CLVS1: variants seen among roughly 807,000 people sequenced by gnomAD.
CLVS1 encodes clavesin-1.
In CLVS1, 10 loss-of-function variants were observed where a neutral mutation model predicts 33.1. The observed-to-expected ratio is 0.30, with a 90% CI of 0.19 to 0.51. CLVS1 has a LOEUF of 0.51. Among genes scored for constraint, CLVS1 ranks in the 20% least tolerant of loss-of-function variants. The pLI, the probability that CLVS1 is intolerant of heterozygous loss-of-function variation, is 0.97. For synonymous variants in CLVS1, 163 were observed against 166.1 expected (o/e 0.98, Z 0.14); for missense variants, 343 against 433.4 (o/e 0.79, Z 1.85).
At chr8:61,227,267 A>T (rs1235979772) in intron 2 of CLVS1, among the ~76,000 whole-genome samples, 4 of 151,518 alleles carry the variant, frequency 2.6e-5, no homozygotes, top group African/African-American at 9.7e-5. Flanking sequence ...GTGAGGAATT[A>T]GCTCTTCAAG....
chr8:61,453,760 A>AAG (rs1000638131), intron 3 of CLVS1, among the ~76,000 whole-genome samples: 1 of 152,144 alleles, frequency 6.6e-6, no homozygotes, highest in Non-Finnish European at 1.5e-5. Context: ...AATGAGGATA[A>AAG]AGAGAGAGAT....
intron 2 of CLVS1, among the ~76,000 whole-genome samples, chr8:61,206,662 C>T (rs1807850469): frequency 6.7e-6 from 1 of 149,944 alleles, no homozygotes; most frequent in Non-Finnish European, 1.5e-5. Flanking sequence ...GATCTCGGCT[C>T]ACTGCAAGCT....
chr8:61,302,060 T>C (rs551796866), intron 2 of CLVS1, among the ~76,000 whole-genome samples: 19 of 152,284 alleles, frequency 1.2e-4, no homozygotes, highest in African/African-American at 4.6e-4. Flanking sequence ...AAAGTGCCTC[T>C]TCACTTCCTC....
chr8:61,366,600 T>A (rs1278229859), intron 2 of CLVS1, among the ~76,000 whole-genome samples: 1 of 152,210 alleles, frequency 6.6e-6, no homozygotes, highest in Non-Finnish European at 1.5e-5. Context: ...GATCTCAGTG[T>A]TGGTCAAGGC....
chr8:61,459,881 G>A (rs1357389899), intron 5 of CLVS1, among the ~76,000 whole-genome samples: 1 of 152,154 alleles, frequency 6.6e-6, no homozygotes, highest in Non-Finnish European at 1.5e-5. Flanking sequence ...GGCAAGGTTG[G>A]TTTCTCCTGA....
intron 5 of CLVS1, among the ~76,000 whole-genome samples, chr8:61,463,697 C>T (rs951856137): frequency 6.6e-6 from 1 of 152,074 alleles, no homozygotes; most frequent in Admixed American, 6.6e-5. Flanking sequence ...GCACATTTCA[C>T]GGTACCCCCA....
At chr8:61,464,913 C>T (rs140713068) in intron 5 of CLVS1, 3 of 152,458 alleles carry the variant, frequency 2.0e-5, no homozygotes, top group African/African-American at 7.2e-5. Flanking sequence ...AGCCACTATT[C>T]ACTGTCTTTT....
intron 2 of CLVS1, among the ~76,000 whole-genome samples, chr8:61,211,320 T>C (rs1807966210): frequency 6.6e-6 from 1 of 151,908 alleles, no homozygotes; most frequent in South Asian, 2.1e-4. Flanking sequence ...CTCTTCCTTC[T>C]CTTCCCCTTT....
At chr8:61,142,067 G>T (rs1806317201) in intron 2 of CLVS1, among the ~76,000 whole-genome samples, 1 of 152,156 alleles carries the variant, frequency 6.6e-6, no homozygotes, top group African/African-American at 2.4e-5. Context: ...GACCCTCTTT[G>T]TAACTCTCAC....
rs535361627 is a variant in CLVS1 at position 61,182,329 on chromosome 8, A to G, written c.-152+50469A>G. ...CTGCAACAAAAGGTAAAATTGACAA[A>G]TGGGATATAATTAAACTAAAGAGCT... On this transcript the variant is annotated intron_variant, in intron 2 of 2. Coordinates refer to the CLVS1 transcript ENST00000522621. Among the ~76,000 whole-genome samples the G allele has an allele frequency of 4.6e-5, 7 of 152,326 alleles. No individual in the cohort carries two copies. In the South Asian group the frequency reaches 1.5e-3, roughly 32 times the overall value.
chr8:61,465,123 A>ATTTT (rs1431613788), intron 5 of CLVS1: 1 of 152,286 alleles, frequency 6.6e-6, no homozygotes, highest in Non-Finnish European at 1.5e-5. Context: ...GGCCTTGTTA[A>ATTTT]AAAGCACTTG....
chr8:61,269,565 T>C (rs1194121256), intron 2 of CLVS1, among the ~76,000 whole-genome samples: 3 of 151,762 alleles, frequency 2.0e-5, no homozygotes, highest in Non-Finnish European at 4.4e-5. Context: ...AAGGCATTGG[T>C]AGCTTGATGG....
At chr8:61,128,737 C>G (rs1188905702) in intron 1 of CLVS1, among the ~76,000 whole-genome samples, 1 of 152,208 alleles carries the variant, frequency 6.6e-6, no homozygotes, top group Non-Finnish European at 1.5e-5. Flanking sequence ...CAGTATGTCT[C>G]TTGCTTTTCA....
At chr8:61,477,730 C>T (rs13276053) in intron 5 of CLVS1, among the ~76,000 whole-genome samples, 85,836 of 151,694 alleles carry the variant, frequency 0.57, 27,763 homozygotes, top group Non-Finnish European at 0.72. Flanking sequence ...TCAATTTTGT[C>T]GATCTTTTCA....
the CLVS1 span, among the ~76,000 whole-genome samples, chr8:60,989,983 G>C: frequency 6.6e-6 from 1 of 151,812 alleles, no homozygotes; most frequent in Non-Finnish European, 1.5e-5. Context: ...AAATTAGCCT[G>C]GTGTGTTGGC....
chr8:61,033,297 C>T, the CLVS1 span, among the ~76,000 whole-genome samples: 4 of 152,100 alleles, frequency 2.6e-5, no homozygotes, highest in Middle Eastern at 3.4e-3. Flanking sequence ...TGCACTCCAG[C>T]TGGAAATGGT....
intron 3 of CLVS1, among the ~76,000 whole-genome samples, chr8:61,430,685 C>G (rs1441000223): frequency 1.3e-5 from 2 of 152,178 alleles, no homozygotes; most frequent in Admixed American, 1.3e-4. Flanking sequence ...AGGTCCTGCT[C>G]TCAGGACAAT....
chr8:61,240,139 AT>A (rs1808660898), intron 2 of CLVS1, among the ~76,000 whole-genome samples: 1 of 152,242 alleles, frequency 6.6e-6, no homozygotes, highest in East Asian at 1.9e-4. Context: ...TAGAGATGAG[AT>A]TACATTGGAG....
At chr8:61,191,731 AACAG>A (rs1461510141) in intron 2 of CLVS1, among the ~76,000 whole-genome samples, 2 of 152,194 alleles carry the variant, frequency 1.3e-5, no homozygotes, top group East Asian at 1.9e-4. Context: ...ATACACCAAT[AACAG>A]ACAAACAGAG....
Sources: allele counts gnomAD v4.1 joint callset (sites outside exome capture counted in the v4.1 genomes callset), GRCh38; gene constraint gnomAD v4.1.1; transcripts MANE v1.5; gene names NCBI Gene and HGNC (gene_info 2026-07-23, HGNC 2026-07-21).